ERICH1: variants seen among roughly 807,000 people sequenced by gnomAD.
ERICH1 encodes glutamate rich 1, also known as glutamate-rich protein 1.
A neutral mutation model predicts 39.6 loss-of-function variants in ERICH1; 56 were observed. That is an observed-to-expected ratio of 1.41 (90% CI 1.14 to 1.77). ERICH1 has a LOEUF of 1.77. ERICH1 is among the 40% of genes most tolerant of loss of function. ERICH1 has a pLI of 0.00. For synonymous variants in ERICH1, 313 were observed against 223.6 expected, an observed-to-expected ratio of 1.40 and a Z score of -3.57; for missense variants, 826 against 575.4, an observed-to-expected ratio of 1.44 and a Z score of -4.45.
At chr8:649,920 C>T (rs541208293) in intron 3 of ERICH1, among the ~76,000 whole-genome samples, 29 of 152,324 alleles carry the variant, frequency 1.9e-4, no homozygotes, top group Admixed American at 1.8e-3. Flanking sequence ...CAGGACCGGG[C>T]CTGGGGAAGC....
chr8:631,063 C>A (rs1441709082), intron 3 of ERICH1, among the ~76,000 whole-genome samples: 1 of 152,018 alleles, frequency 6.6e-6, no homozygotes, highest in Non-Finnish European at 1.5e-5. Context: ...ATTGACAGAG[C>A]TGACTCATAC....
intron 2 of ERICH1, among the ~76,000 whole-genome samples, chr8:699,937 A>ACCCACACACGCGCACAGG (rs1811460906): frequency 7.0e-5 from 9 of 128,542 alleles, no homozygotes; most frequent in Non-Finnish European, 9.9e-5. Flanking sequence ...AGGCGCACAG[A>ACCCACACACGCGCACAGG]CCCGCACACG....
chr8:627,577 A>T (rs1797664536), intron 3 of ERICH1, among the ~76,000 whole-genome samples: 1 of 152,224 alleles, frequency 6.6e-6, no homozygotes. Context: ...AGGGGGTAAG[A>T]AGATGGCTCT....
intron 3 of ERICH1, among the ~76,000 whole-genome samples, chr8:627,745 G>A (rs1034732933): frequency 6.6e-6 from 1 of 152,208 alleles, no homozygotes; most frequent in Admixed American, 6.5e-5. Flanking sequence ...CAGCCGCAGG[G>A]GAGTTGCTGG....
chr8:669,719 A>G (rs1802860329), intron 4 of ERICH1, among the ~76,000 whole-genome samples: 1 of 152,240 alleles, frequency 6.6e-6, no homozygotes, highest in African/African-American at 2.4e-5. Flanking sequence ...TCCACATCAC[A>G]TCGCTTAAAA....
chr8:618,087 C>G (rs1035935191), intron 3 of ERICH1, among the ~76,000 whole-genome samples: 1 of 150,904 alleles, frequency 6.6e-6, no homozygotes, highest in East Asian at 2.0e-4. Flanking sequence ...GTGATTGGTG[C>G]TCAGTCCATC....
chr8:624,644 G>A (rs900085019), intron 3 of ERICH1, among the ~76,000 whole-genome samples: 20 of 152,192 alleles, frequency 1.3e-4, no homozygotes, highest in African/African-American at 4.8e-4. Flanking sequence ...GGGGAAGCAG[G>A]CACGTCTTGC....
intron 1 of ERICH1, among the ~76,000 whole-genome samples, chr8:718,822 C>T (rs1478584178): frequency 1.3e-5 from 2 of 152,226 alleles, no homozygotes; most frequent in Non-Finnish European, 2.9e-5. Flanking sequence ...TGCAATTCCC[C>T]TGCACGCCTG....
chr8:674,028 C>A lies in ERICH1; in HGVS notation c.324G>T (p.Gln108His). ...GCTTCCTAATTCTTCTTCTCTTTGG[C>A]TGGTCATGAGGATCCTGATCTGTTA... ...DDTEDQDPHD[Q>H]PKRRRIRKHK... The change falls in exon 4 of 6, where the codon CAG becomes CAT. Residue 108 changes from glutamine (Q) to histidine (H), a missense_variant. Gln to His is a conservative substitution (Grantham distance 24). Coordinates refer to ENST00000262109, the MANE Select transcript of ERICH1 (RefSeq NM_207332.3). 1 of 1,565,100 alleles carries A rather than the reference C, an allele frequency of 6.4e-7. No homozygotes were observed. Among genetic ancestry groups the A allele is most frequent in the Non-Finnish European group, 8.6e-7 (1 of 1,168,960 alleles).
rs1585066457 is a variant in ERICH1 at position 655,603 on chromosome 8, T to C, written c.976+12995A>G. On this transcript the variant is annotated intron_variant, in intron 3 of 3. Transcript: ENST00000522706. The stretch of plus-strand genomic sequence containing the variant: ...ATCACGGGGGATCATTCTGGGGGCA[T>C]GTGTGGCCTTTTCTCTGGCTTGCTC... 2.0e-5 allele frequency among the ~76,000 whole-genome samples: 3 copies of C among 152,110 alleles called. No individual in the cohort carries two copies. In the South Asian group the frequency reaches 6.2e-4, roughly 32 times the overall value.
Position 615,233 on chromosome 8 carries a change from C to A in ERICH1, c.1028G>T (p.Gly343Val), listed in dbSNP as rs993654158. 8 of 695,396 alleles carry A rather than the reference C, an allele frequency of 1.2e-5. No individual in the cohort carries two copies. In the African/African-American group the frequency reaches 1.4e-4, roughly 12 times the overall value. The allele number at this position is 695,396 out of a possible 1,614,324, so 43.1% of individuals were successfully genotyped here. A position where few individuals can be genotyped will look rare whatever the true frequency, so the allele number is the denominator to read the frequency against. Residue 343 changes from glycine to valine, a missense_variant, in exon 4 of 4, where the codon GGG (glycine) becomes GTG (valine). Gly to Val is a moderately radical substitution (Grantham distance 109). Coordinates refer to the ERICH1 transcript ENST00000522706. ...CAGCACCACAGCTGGTTAAGGCAGCCCCTCTCTCTTTCCTCTTCTTATTTT... is the reference window on the plus strand; with the variant it reads ...CAGCACCACAGCTGGTTAAGGCAGCACCTCTCTCTTTCCTCTTCTTATTTT...
chr8:702,994 A>G, intron 2 of ERICH1, among the ~76,000 whole-genome samples: 1 of 152,298 alleles, frequency 6.6e-6, no homozygotes, highest in African/African-American at 2.4e-5. Context: ...AACTGCCCAC[A>G]CCACCCAGGC....
At chr8:642,893 C>T (rs562245352) in intron 3 of ERICH1, among the ~76,000 whole-genome samples, 1 of 152,290 alleles carries the variant, frequency 6.6e-6, no homozygotes, top group Admixed American at 6.5e-5. Flanking sequence ...GGGTAACCAA[C>T]AGGAATCCCT....
chr8:678,135 G>T (rs1805282495), intron 3 of ERICH1, among the ~76,000 whole-genome samples: 1 of 151,946 alleles, frequency 6.6e-6, no homozygotes, highest in Admixed American at 6.6e-5. Context: ...TTTTGAAAAG[G>T]AAAAGTTAAT....
intron 3 of ERICH1, among the ~76,000 whole-genome samples, chr8:689,374 G>A (rs748123817): frequency 2.0e-5 from 3 of 152,254 alleles, no homozygotes; most frequent in South Asian, 4.1e-4. Flanking sequence ...GCCTCCCAAA[G>A]TGCTGGAATT....
intron 2 of ERICH1, among the ~76,000 whole-genome samples, chr8:708,447 G>A (rs1703941): frequency 0.85 from 129,284 of 152,126 alleles, 55,650 homozygotes; most frequent in South Asian, 0.95. Context: ...TATTCATACA[G>A]TGGAATATTA....
At chr8:624,433 A>G (rs186610771) in intron 3 of ERICH1, among the ~76,000 whole-genome samples, 3 of 152,360 alleles carry the variant, frequency 2.0e-5, no homozygotes, top group African/African-American at 7.2e-5. Context: ...AAGAGAAACA[A>G]AAACACATTC....
intron 3 of ERICH1, among the ~76,000 whole-genome samples, chr8:641,458 T>A (rs1798965950): frequency 6.6e-6 from 1 of 152,208 alleles, no homozygotes; most frequent in Non-Finnish European, 1.5e-5. Context: ...TTATGCAAAG[T>A]TACATTGACA....
At chr8:731,103 TG>T in intron 1 of ERICH1, 36 bp downstream of exon 1, 4 of 1,448,982 alleles carry the variant, frequency 2.8e-6, no homozygotes, top group Non-Finnish European at 2.7e-6. Flanking sequence ...GAGCCGGGTC[TG>T]GGGTCTGGGC....
Sources: gnomAD v4.1 joint callset for allele counts (sites outside exome capture counted in the v4.1 genomes callset) on GRCh38, gnomAD v4.1.1 for gene constraint, MANE v1.5 for transcripts, NCBI Gene and HGNC (gene_info 2026-07-23, HGNC 2026-07-21) for gene names.